LRRC1: variants seen among roughly 807,000 people sequenced by gnomAD.
LRRC1 encodes leucine rich repeat containing 1, also known as leucine-rich repeat-containing protein 1.
Under a neutral mutation model 69.9 loss-of-function variants are expected in LRRC1, and 28 were observed. That is an observed-to-expected ratio of 0.40 (90% CI 0.30 to 0.55). LRRC1 has a LOEUF of 0.55. LRRC1 is among the 20% of genes least tolerant of loss of function. The pLI is 0.47. For synonymous variants in LRRC1, 236 were observed against 240.2 expected, an observed-to-expected ratio of 0.98 and a Z score of 0.16; for missense variants, 498 against 609.0, an observed-to-expected ratio of 0.82 and a Z score of 1.92.
intron 1 of LRRC1, among the ~76,000 whole-genome samples, chr6:53,827,809 G>A (rs1765317402): frequency 6.6e-6 from 1 of 152,148 alleles, no homozygotes. Context: ...GATAATGATT[G>A]CTCACTGGGC....
Position 53,913,902 on chromosome 6 carries a change from C to T in LRRC1, c.1039C>T (p.Leu347=). 1 of 1,612,858 alleles carries T rather than the reference C, an allele frequency of 6.2e-7. No individual in the cohort carries two copies. The stretch of plus-strand genomic sequence containing the variant: ...TGTGTTCTGTGTACGTGACAACAGA[C>T]TAACTCGGATACCTGCAGAGGTGTC... ...LTVFCVRDNR[L]TRIPAEVSQA... is the part of the protein sequence containing the mutation. The change falls in exon 11 of 14, where the codon CTA becomes TTA. Residue 347 remains leucine (L), a synonymous_variant. Coordinates refer to ENST00000370888, the MANE Select transcript of LRRC1 (RefSeq NM_018214.5).
At chr6:53,891,382 G>A (rs1767674181) in intron 4 of LRRC1, among the ~76,000 whole-genome samples, 1 of 151,770 alleles carries the variant, frequency 6.6e-6, no homozygotes, top group Non-Finnish European at 1.5e-5. Flanking sequence ...AAAAATAAAG[G>A]TATCCATAGA....
At chr6:53,823,671 G>T (rs1203330410) in intron 1 of LRRC1, among the ~76,000 whole-genome samples, 1 of 151,938 alleles carries the variant, frequency 6.6e-6, no homozygotes, top group African/African-American at 2.4e-5. Context: ...CCTCAGGTAG[G>T]CCCCAGTATC....
chr6:53,823,819 T>C (rs1353032691), intron 1 of LRRC1, among the ~76,000 whole-genome samples: 5 of 152,198 alleles, frequency 3.3e-5, no homozygotes, highest in Non-Finnish European at 7.3e-5. Flanking sequence ...AAGGACATGA[T>C]CTCATTCTCT....
intron 11 of LRRC1, among the ~76,000 whole-genome samples, chr6:53,918,457 T>C (rs185237434): frequency 3.2e-4 from 48 of 152,232 alleles, no homozygotes; most frequent in Middle Eastern, 3.4e-3. Flanking sequence ...CACTCTTTGA[T>C]TTTTTTTACT....
intron 2 of LRRC1, among the ~76,000 whole-genome samples, chr6:53,859,669 A>G (rs1327986663): frequency 6.6e-6 from 1 of 152,148 alleles, no homozygotes; most frequent in Non-Finnish European, 1.5e-5. Context: ...CCATTGTGAC[A>G]CCAACATTGG....
At chr6:53,873,500 T>C (rs1235952473) in intron 2 of LRRC1, among the ~76,000 whole-genome samples, 3 of 150,132 alleles carry the variant, frequency 2.0e-5, no homozygotes, top group Non-Finnish European at 4.4e-5. Context: ...AGGGTTTCAC[T>C]GCGCTAGCCA....
chr6:53,845,598 A>G (rs931809894), intron 2 of LRRC1, among the ~76,000 whole-genome samples: 5 of 152,198 alleles, frequency 3.3e-5, no homozygotes, highest in Non-Finnish European at 7.4e-5. Context: ...TAGCAGGGTT[A>G]TAACCAGGGC....
intron 1 of LRRC1, among the ~76,000 whole-genome samples, chr6:53,800,742 C>T (rs546801833): frequency 6.6e-6 from 1 of 151,262 alleles, no homozygotes; most frequent in Admixed American, 6.6e-5. Context: ...TGGGTTCAAG[C>T]GATTCTCCTG....
At chr6:53,845,705 T>G (rs1159961669) in intron 2 of LRRC1, among the ~76,000 whole-genome samples, 1 of 152,238 alleles carries the variant, frequency 6.6e-6, no homozygotes, top group Non-Finnish European at 1.5e-5. Flanking sequence ...CATACTTGAA[T>G]GTGCAAGGAA....
chr6:53,916,340 C>T (rs1345553165), intron 11 of LRRC1, among the ~76,000 whole-genome samples: 1 of 152,046 alleles, frequency 6.6e-6, no homozygotes, highest in Non-Finnish European at 1.5e-5. Flanking sequence ...GTATCTATTA[C>T]CCAATCCAAA....
At position 53,920,683 on chromosome 6, in the gene LRRC1, C is replaced by T. The variant is rs746175801; in HGVS notation, c.1338C>T (p.Ala446=). 5.0e-6 allele frequency: 8 copies of T among 1,614,172 alleles called. No homozygotes were observed. Among genetic ancestry groups the T allele is most frequent in the Non-Finnish European group, 6.8e-6 (8 of 1,180,008 alleles). The part of the protein sequence containing the change: ...ENLVNDVSDE[A]WNERAVNRVS... ...TGGTAAATGATGTCTCTGATGAAGC[C>T]TGGAACGAGCGTGCTGTCAACAGAG... Residue 446 remains alanine, a synonymous_variant, in exon 13 of 14, where the codon GCC becomes GCT. Coordinates refer to ENST00000370888, the MANE Select transcript of LRRC1 (RefSeq NM_018214.5).
chr6:53,872,874 G>A (rs1264166139), intron 2 of LRRC1, among the ~76,000 whole-genome samples: 2 of 148,656 alleles, frequency 1.3e-5, no homozygotes, highest in African/African-American at 2.5e-5. Flanking sequence ...CTCTTGCCTC[G>A]GCCTCCAGAG....
rs115423431 is a variant in LRRC1, at chr6:53,822,602, C to T, written c.160-19508C>T. 5.9e-3 allele frequency among the ~76,000 whole-genome samples: 895 copies of T among 152,268 alleles called. 3 individuals carry two copies. Among genetic ancestry groups the T allele is most frequent in the Non-Finnish European group, 0.01 (714 of 68,018 alleles). On this transcript the variant is annotated intron_variant, in intron 1 of 13. Coordinates refer to ENST00000370888, the MANE Select transcript of LRRC1 (RefSeq NM_018214.5). The stretch of plus-strand genomic sequence containing the variant: ...GCTTTAGGCCAGGCCCTGATAAATG[C>T]GTGGACGGTGAAGTGGTTGGTTCAC...
At chr6:53,906,727 C>A (rs1768250748) in intron 10 of LRRC1, among the ~76,000 whole-genome samples, 1 of 152,188 alleles carries the variant, frequency 6.6e-6, no homozygotes. Context: ...TTTCTAACTT[C>A]AAAGCGTTTT....
chr6:53,821,998 G>A (rs1028779239), intron 1 of LRRC1, among the ~76,000 whole-genome samples: 5 of 151,416 alleles, frequency 3.3e-5, no homozygotes, highest in Non-Finnish European at 5.9e-5. Flanking sequence ...CATTGTCAGT[G>A]GTGATTTTGA....
chr6:53,921,694 T>G (rs148063216), intron 13 of LRRC1, among the ~76,000 whole-genome samples: 45 of 152,340 alleles, frequency 3.0e-4, no homozygotes, highest in African/African-American at 1.1e-3. Flanking sequence ...AGAGTTTTCT[T>G]AAGCAGAGCT....
chr6:53,923,564 G>A lies in LRRC1; in HGVS notation c.*771G>A, dbSNP rs2127444237. 1 of 152,696 alleles carries A rather than the reference G, an allele frequency of 6.5e-6. No individual in the cohort carries two copies. Among genetic ancestry groups the A allele is most frequent in the African/African-American group, 2.4e-5 (1 of 41,566 alleles). 9.5% of individuals were successfully genotyped at this position (152,696 alleles called of 1,614,324 possible). The stretch of plus-strand genomic sequence containing the variant: ...TTATCAATGATTTGTAATTATATCA[G>A]TTGATTTTTTTTGAAAAGATGAACC... On this transcript the variant is annotated 3_prime_UTR_variant, in exon 14 of 14. Transcript: ENST00000370888.
intron 1 of LRRC1, among the ~76,000 whole-genome samples, chr6:53,831,546 T>C (rs1026484853): frequency 2.9e-4 from 44 of 152,202 alleles, no homozygotes; most frequent in Non-Finnish European, 5.7e-4. Flanking sequence ...CAATAAATTG[T>C]ATTAACTGGT....
Sources: allele counts gnomAD v4.1 joint callset (sites outside exome capture counted in the v4.1 genomes callset), GRCh38; gene constraint gnomAD v4.1.1; transcripts MANE v1.5; gene names NCBI Gene and HGNC (gene_info 2026-07-23, HGNC 2026-07-21).